Variants in HOXB3 observed in about 807,000 individuals in gnomAD.
HOXB3 encodes homeobox protein Hox-B3.
A neutral mutation model predicts 29.2 loss-of-function variants in HOXB3; 17 were observed. The ratio of observed to expected loss-of-function variants is 0.58; its 90% CI spans 0.40 to 0.87. The LOEUF is 0.87. Ranked by LOEUF, HOXB3 falls within the 40% of genes least tolerant of loss-of-function variation. The pLI is 0.00. For missense variants in HOXB3, 637 were observed against 616.3 expected (o/e 1.03, Z -0.35); for synonymous variants, 317 against 285.9 (o/e 1.11, Z -1.10).
chr17:48,551,967 T>A, intron 4 of HOXB3, 60 bp downstream of exon 4: 1 of 1,483,824 alleles, frequency 6.7e-7, no homozygotes, highest in Non-Finnish European at 9.1e-7. Context: ...GGTGCTAGAA[T>A]AACAGTGACA....
intron 1 of HOXB3, chr17:48,579,305 G>A (rs1178805772): frequency 6.6e-6 from 1 of 152,298 alleles, no homozygotes; most frequent in Non-Finnish European, 1.5e-5. Context: ...ATGGGTCCGA[G>A]ACGTTCTAAT....
intron 1 of HOXB3, among the ~76,000 whole-genome samples, chr17:48,585,102 C>G (rs185491454): frequency 8.5e-5 from 13 of 152,276 alleles, no homozygotes; most frequent in Admixed American, 5.2e-4. Flanking sequence ...ACCCCTCCCC[C>G]CTTCGCCAAT....
At chr17:48,580,149 G>A in intron 1 of HOXB3, 1 of 284,254 alleles carries the variant, frequency 3.5e-6, no homozygotes, top group Non-Finnish European at 6.9e-6. Flanking sequence ...GTTCGCAAAG[G>A]GACGAGAACC....
Position 48,550,136 on chromosome 17 carries a change from G to C in HOXB3, c.*198C>G, listed in dbSNP as rs892707707. On this transcript the variant is annotated 3_prime_UTR_variant, in exon 5 of 5. Transcript: ENST00000498678. ...GGATTCCTTTCCGATGGGTTGGCAG[G>C]CAGATGGAACAAGGGGTGGAAGACT... 3 of 630,564 alleles carry C rather than the reference G, an allele frequency of 4.8e-6. No individual in the cohort carries two copies. Among genetic ancestry groups the C allele is most frequent in the Non-Finnish European group, 8.1e-6 (3 of 368,846 alleles). The allele number at this position is 630,564 out of a possible 1,614,324, so 39.1% of individuals were successfully genotyped here. A position where few individuals can be genotyped will look rare whatever the true frequency, so the allele number is the denominator to read the frequency against.
At chr17:48,586,788 A>G (rs1265493092) in intron 1 of HOXB3, among the ~76,000 whole-genome samples, 1 of 152,214 alleles carries the variant, frequency 6.6e-6, no homozygotes, top group Non-Finnish European at 1.5e-5. Flanking sequence ...TAAGACCATC[A>G]CTACCAACAA....
chr17:48,561,183 A>AAC (rs530713063), intron 2 of HOXB3, among the ~76,000 whole-genome samples: 4,173 of 125,442 alleles, frequency 0.033, 81 homozygotes, highest in Middle Eastern at 0.056. Context: ...TCCGTCTCAA[A>AAC]ACACACACAC....
chr17:48,589,916 G>A (rs546069075), intron 1 of HOXB3, among the ~76,000 whole-genome samples: 1 of 152,166 alleles, frequency 6.6e-6, no homozygotes, highest in Non-Finnish European at 1.5e-5. Flanking sequence ...AGACACTCCT[G>A]TTGGTAAAAA....
chr17:48,588,856 A>G (rs2144924310), intron 1 of HOXB3, among the ~76,000 whole-genome samples: 1 of 152,344 alleles, frequency 6.6e-6, no homozygotes, highest in East Asian at 1.9e-4. Flanking sequence ...GAGAACTCCA[A>G]TGTCCCTTAA....
chr17:48,581,165 G>A (rs1319555455), intron 1 of HOXB3: 1 of 152,190 alleles, frequency 6.6e-6, no homozygotes, highest in African/African-American at 2.4e-5. Context: ...CTGGGACCTT[G>A]CAGGTGGGTA....
intron 1 of HOXB3, among the ~76,000 whole-genome samples, chr17:48,589,685 G>C (rs61393816): frequency 6.6e-6 from 1 of 152,226 alleles, no homozygotes; most frequent in Admixed American, 6.5e-5. Flanking sequence ...CCAGATAAAA[G>C]TGCCCAGCGG....
Position 48,550,557 on chromosome 17 carries a change from T to C in HOXB3, c.1073A>G (p.Tyr358Cys), listed in dbSNP as rs760619027. ...GGCAGGGGGCGGCAGCGGATCCGCG[T>C]AGCCGCCCCCGCCCACGTACACCGG... ...GSPVYVGGGGYADPLPPPAGP... is the reference protein window; with the variant it reads ...GSPVYVGGGGCADPLPPPAGP... Residue 358 changes from tyrosine (Y) to cysteine (C), a missense_variant, in exon 5 of 5, where the codon TAC becomes TGC. Tyr to Cys is a radical substitution (Grantham distance 194). Transcript: ENST00000498678. The C allele has an allele frequency of 6.6e-7, 1 of 1,519,728 alleles. No individual in the cohort carries two copies. The highest frequency in any genetic ancestry group is 1.3e-5 in the South Asian group (1 of 75,656). 94.1% of individuals were successfully genotyped at this position (1,519,728 alleles called of 1,614,324 possible).
intron 1 of HOXB3, among the ~76,000 whole-genome samples, chr17:48,577,398 T>G (rs2069802129): frequency 6.6e-6 from 1 of 152,234 alleles, no homozygotes; most frequent in Non-Finnish European, 1.5e-5. Context: ...CCACCCTTGC[T>G]GCTCAGATTC....
intron 1 of HOXB3, chr17:48,575,271 T>A (rs2069722972): frequency 6.6e-6 from 1 of 152,206 alleles, no homozygotes; most frequent in Non-Finnish European, 1.5e-5. Context: ...TTTCAATCCA[T>A]TTTTGGACTG....
intron 2 of HOXB3, among the ~76,000 whole-genome samples, chr17:48,564,649 C>A (rs1024499223): frequency 6.6e-6 from 1 of 152,220 alleles, no homozygotes; most frequent in Non-Finnish European, 1.5e-5. Context: ...GACAGGGGCA[C>A]GGCGAGGCGT....
Position 48,551,101 on chromosome 17 carries a change from C to A in HOXB3, c.529G>T (p.Gly177Ter). ...GACCCCGGGGGGCTCTTGTCCCCTC[C>A]CCCGCCGCCGCCGCCACCGCCCCCG... ...GSGGGGGGGG[G>*]GDKSPPGSAA... Residue 177 changes from glycine to a stop codon, truncating the protein, a stop_gained, in exon 5 of 5, where the codon GGA becomes TGA. Coordinates refer to ENST00000498678, the MANE Select transcript of HOXB3 (RefSeq NM_001384749.1). LOFTEE classifies it high-confidence loss of function. The A allele has an allele frequency of 7.2e-7, 1 of 1,392,150 alleles. No individual in the cohort carries two copies. The highest frequency in any genetic ancestry group is 9.3e-7 in the Non-Finnish European group (1 of 1,070,458). 86.2% of individuals were successfully genotyped at this position (1,392,150 alleles called of 1,614,324 possible).
intron 2 of HOXB3, among the ~76,000 whole-genome samples, chr17:48,563,027 C>G (rs1001033606): frequency 1.3e-5 from 2 of 152,230 alleles, no homozygotes; most frequent in Admixed American, 1.3e-4. Context: ...GGTCCAGCCT[C>G]AAACCACGGA....
At chr17:48,555,323 GGA>G (rs1459851484) in intron 3 of HOXB3, 28 of 558,828 alleles carry the variant, frequency 5.0e-5, no homozygotes, top group African/African-American at 1.3e-4. Flanking sequence ...AAGAGAGAGG[GGA>G]GAGAGAGAGG....
At chr17:48,577,082 T>C (rs1227521572) in intron 1 of HOXB3, 14 of 1,469,524 alleles carry the variant, frequency 9.5e-6, no homozygotes, top group Admixed American at 6.5e-5. Flanking sequence ...GAGAGAGTCC[T>C]TTCTTCCAGG....
Position 48,552,239 on chromosome 17 carries a change from G to C in HOXB3, c.236C>G (p.Ala79Gly). 6.2e-7 allele frequency: 1 copy of C among 1,612,704 alleles called. No individual in the cohort carries two copies. The highest frequency in any genetic ancestry group is 8.5e-7 in the Non-Finnish European group (1 of 1,179,738). Residue 79 changes from alanine (A) to glycine (G), a missense_variant, in exon 4 of 5, where the codon GCC becomes GGC. Transcript: ENST00000498678. ...AGGCGGGGCCGACAGGGGCTCGGGGGCCAGACCCGGCCTCATGCAGCTGCC... is the reference window on the plus strand; with the variant it reads ...AGGCGGGGCCGACAGGGGCTCGGGGCCCAGACCCGGCCTCATGCAGCTGCC... ...LNGSCMRPGL[A>G]PEPLSAPPGS...
Sources: allele counts gnomAD v4.1 joint callset (sites outside exome capture counted in the v4.1 genomes callset), GRCh38; gene constraint gnomAD v4.1.1; transcripts MANE v1.5; gene names NCBI Gene and HGNC (gene_info 2026-07-23, HGNC 2026-07-21).